Variants in SLA observed in about 807,000 individuals in gnomAD.
The protein encoded by SLA is src-like-adapter.
Under a neutral mutation model 30.3 loss-of-function variants are expected in SLA, and 16 were observed. That is an observed-to-expected ratio of 0.53 (90% CI 0.36 to 0.80). The LOEUF (loss-of-function observed/expected upper bound fraction) is 0.80, where lower values mean the gene tolerates loss of function less well. Ranked by LOEUF, SLA falls within the 30% of genes least tolerant of loss-of-function variation. The pLI, the probability that SLA is intolerant of heterozygous loss-of-function variation, is 0.01. For synonymous variants in SLA, 143 were observed against 137.8 expected (o/e 1.04, Z -0.26); for missense variants, 310 against 345.2 (o/e 0.90, Z 0.81).
chr8:133,056,601 G>A (rs540366683), intron 3 of SLA, among the ~76,000 whole-genome samples: 6 of 152,314 alleles, frequency 3.9e-5, no homozygotes, highest in African/African-American at 9.6e-5. Context: ...ATGGCCTAAG[G>A]CAAGTCATTT....
chr8:133,064,779 G>T (rs1345696689), intron 2 of SLA, among the ~76,000 whole-genome samples: 1 of 152,152 alleles, frequency 6.6e-6, no homozygotes, highest in Non-Finnish European at 1.5e-5. Flanking sequence ...AGGTGGGGAG[G>T]CTTCTCAGAA....
chr8:133,060,519 G>A (rs183829892), intron 2 of SLA, among the ~76,000 whole-genome samples: 100 of 152,282 alleles, frequency 6.6e-4, no homozygotes, highest in African/African-American at 2.4e-3. Flanking sequence ...AAACCAAGCA[G>A]CATTTCAGGT....
chr8:133,091,923 G>A (rs1039696042), intron 1 of SLA, among the ~76,000 whole-genome samples: 3 of 151,458 alleles, frequency 2.0e-5, no homozygotes, highest in South Asian at 2.1e-4. Context: ...CTGTGGCTAC[G>A]TCTGTGTGTG....
At chr8:133,090,962 C>T (rs1433660054) in intron 1 of SLA, among the ~76,000 whole-genome samples, 7 of 152,156 alleles carry the variant, frequency 4.6e-5, no homozygotes, top group Non-Finnish European at 1.0e-4. Flanking sequence ...GCAGCCTAGG[C>T]TCAAATCCTG....
At chr8:133,068,378 G>T (rs551020593) in intron 2 of SLA, among the ~76,000 whole-genome samples, 1 of 152,206 alleles carries the variant, frequency 6.6e-6, no homozygotes, top group Non-Finnish European at 1.5e-5. Flanking sequence ...TGGGCTTTAT[G>T]CTAAGACCAG....
chr8:133,074,736 C>G, intron 2 of SLA, 117 bp downstream of exon 2: 1 of 475,340 alleles, frequency 2.1e-6, no homozygotes. Flanking sequence ...AGACATTGCC[C>G]CACCTGTTCT....
chr8:133,084,191 A>AG (rs1449073866), intron 1 of SLA, among the ~76,000 whole-genome samples: 7 of 152,128 alleles, frequency 4.6e-5, no homozygotes, highest in African/African-American at 1.7e-4. Flanking sequence ...ATGGAGAGAG[A>AG]GGGGCAGTCT....
chr8:133,096,113 C>A, intron 1 of SLA: 1 of 1,468,840 alleles, frequency 6.8e-7, no homozygotes. Context: ...GATGGATAAC[C>A]AGTATTGGCA....
chr8:133,095,259 A>G (rs1848230137), intron 1 of SLA: 2 of 1,613,282 alleles, frequency 1.2e-6, no homozygotes, highest in Admixed American at 1.7e-5. Flanking sequence ...TCTTTTACAA[A>G]TAGAAAATGA....
At chr8:133,094,864 G>A in intron 1 of SLA, 2 of 777,058 alleles carry the variant, frequency 2.6e-6, no homozygotes, top group Non-Finnish European at 4.4e-6. Context: ...GTATCACACT[G>A]CATGCTGATA....
chr8:133,096,116 T>C (rs1848370457), intron 1 of SLA: 5 of 1,482,824 alleles, frequency 3.4e-6, no homozygotes, highest in Admixed American at 1.7e-5. Flanking sequence ...GGATAACCAG[T>C]ATTGGCATTC....
chr8:133,065,684 C>T (rs1179048078), intron 2 of SLA, among the ~76,000 whole-genome samples: 1 of 152,056 alleles, frequency 6.6e-6, no homozygotes, highest in Non-Finnish European at 1.5e-5. Context: ...ATCACTTGAA[C>T]CCAGTGGGCG....
chr8:133,075,361 T>C (rs1179387832), intron 1 of SLA, among the ~76,000 whole-genome samples: 1 of 152,194 alleles, frequency 6.6e-6, no homozygotes, highest in African/African-American at 2.4e-5. Context: ...TGCAGCTTCC[T>C]TCTGTTACTG....
At chr8:133,073,251 A>G (rs2131451917) in intron 2 of SLA, 1 of 152,282 alleles carries the variant, frequency 6.6e-6, no homozygotes, top group Admixed American at 6.5e-5. Flanking sequence ...TAGATTGTAG[A>G]TCTGTTTAAG....
intron 1 of SLA, chr8:133,094,679 A>G (rs1848143652): frequency 2.8e-6 from 1 of 358,130 alleles, no homozygotes; most frequent in Non-Finnish European, 5.4e-6. Flanking sequence ...AGATGGTTCT[A>G]TCTTTGCAGA....
At position 133,060,204 on chromosome 8, in the gene SLA, T is replaced by G. The variant is rs767159318; in HGVS notation, c.-40-4A>C. On this transcript the variant is annotated splice_region_variant and splice_polypyrimidine_tract_variant and intron_variant, in intron 2 of 8. Coordinates refer to ENST00000338087, the MANE Select transcript of SLA (RefSeq NM_001045556.3). The stretch of plus-strand genomic sequence containing the variant: ...GGCCGCTGGTGATGCCCAGAGCCTG[T>G]GGTATAGGAGACAGACGGGGAAAGT... 9.3e-6 allele frequency: 15 copies of G among 1,613,338 alleles called. 1 individual carries two copies. The South Asian group carries it at 1.6e-4, about 18-fold the overall frequency.
At chr8:133,088,729 T>A (rs2005162) in intron 1 of SLA, among the ~76,000 whole-genome samples, 43,276 of 152,132 alleles carry the variant, frequency 0.28, 6,875 homozygotes, top group African/African-American at 0.41. Flanking sequence ...CTAGATCATG[T>A]CTATACCAAC....
intron 1 of SLA, among the ~76,000 whole-genome samples, chr8:133,101,847 G>A (rs1849295927): frequency 6.8e-6 from 1 of 147,436 alleles, no homozygotes; most frequent in Non-Finnish European, 1.5e-5. Flanking sequence ...ACTGTCAGCT[G>A]GAGTGACACA....
At chr8:133,045,531 A>G (rs1465534060) in intron 6 of SLA, among the ~76,000 whole-genome samples, 1 of 151,270 alleles carries the variant, frequency 6.6e-6, no homozygotes, top group Non-Finnish European at 1.5e-5. Context: ...AGTAGCTGGG[A>G]CTACAGGCAT....
Sources: allele counts gnomAD v4.1 joint callset (sites outside exome capture counted in the v4.1 genomes callset), GRCh38; gene constraint gnomAD v4.1.1; transcripts MANE v1.5; gene names NCBI Gene and HGNC (gene_info 2026-07-23, HGNC 2026-07-21).